The following GLT1D1 variants were observed in gnomAD, a reference collection of about 807,000 sequenced individuals.
GLT1D1 encodes the protein glycosyltransferase 1 domain-containing protein 1.
A neutral mutation model predicts 28.7 loss-of-function variants in GLT1D1; 21 were observed. The observed-to-expected ratio is 0.73, with a 90% CI of 0.52 to 1.05. The LOEUF is 1.05. Among genes scored for constraint, GLT1D1 ranks in the 50% least tolerant of loss-of-function variants. GLT1D1 has a pLI of 0.00. For missense variants in GLT1D1, 343 were observed against 330.6 expected, an observed-to-expected ratio of 1.04 and a Z score of -0.29; for synonymous variants, 147 against 124.8, an observed-to-expected ratio of 1.18 and a Z score of -1.19.
chr12:128,916,433 A>G (rs1167144633), intron 4 of GLT1D1, among the ~76,000 whole-genome samples: 1 of 152,214 alleles, frequency 6.6e-6, no homozygotes, highest in Admixed American at 6.5e-5. Context: ...AAAAATATCC[A>G]AACAGTTCTC....
chr12:128,966,925 T>C (rs1318057775), intron 7 of GLT1D1, among the ~76,000 whole-genome samples: 2 of 152,232 alleles, frequency 1.3e-5, no homozygotes, highest in African/African-American at 4.8e-5. Context: ...AGATTGATTT[T>C]TTCTTTACCG....
At chr12:128,904,896 A>T (rs1870686335) in intron 4 of GLT1D1, among the ~76,000 whole-genome samples, 1 of 151,916 alleles carries the variant, frequency 6.6e-6, no homozygotes, top group Non-Finnish European at 1.5e-5. Flanking sequence ...GGCCTCCCAA[A>T]GTGCTGGGAT....
intron 4 of GLT1D1, among the ~76,000 whole-genome samples, chr12:128,935,733 T>A (rs1874482419): frequency 1.3e-5 from 2 of 152,180 alleles, no homozygotes; most frequent in Non-Finnish European, 1.5e-5. Flanking sequence ...CCCAAGTCAC[T>A]GGGACTGCAG....
chr12:128,868,201 C>T (rs538450225), intron 1 of GLT1D1, among the ~76,000 whole-genome samples: 57 of 152,352 alleles, frequency 3.7e-4, no homozygotes, highest in African/African-American at 1.4e-3. Context: ...TTCTCGCCAG[C>T]CCCTCCTGGG....
At chr12:128,967,517 C>G (rs1282107957) in intron 7 of GLT1D1, among the ~76,000 whole-genome samples, 4 of 152,320 alleles carry the variant, frequency 2.6e-5, no homozygotes, top group South Asian at 4.1e-4. Flanking sequence ...ATTGCCTCTC[C>G]CTTCCCCTGG....
At position 128,926,352 on chromosome 12, in the gene GLT1D1, C is replaced by T. The variant is rs1378256554; in HGVS notation, c.376-18974C>T. On this transcript the variant is annotated intron_variant, in intron 4 of 7. Coordinates refer to ENST00000281703, the MANE Select transcript of GLT1D1 (RefSeq NM_144669.3). Reference sequence around the variant, plus strand: ...CACTGAAAACATTCTGAACTCTTCTCTTACAGAGATTAACCAAAGTGCTGA... The same window carrying T: ...CACTGAAAACATTCTGAACTCTTCTTTTACAGAGATTAACCAAAGTGCTGA... The T allele has an allele frequency of 3.4e-6, 5 of 1,456,370 alleles. No homozygotes were observed. Among genetic ancestry groups the T allele is most frequent in the African/African-American group, 1.4e-5 (1 of 71,390 alleles). The allele number at this position is 1,456,370 out of a possible 1,614,324, so 90.2% of individuals were successfully genotyped here. A position where few individuals can be genotyped will look rare whatever the true frequency, so the allele number is the denominator to read the frequency against.
rs77624105 is a variant in GLT1D1 at position 128,895,069 on chromosome 12, T to A, written c.324-4167T>A. 1.3e-3 allele frequency among the ~76,000 whole-genome samples: 202 copies of A among 152,210 alleles called. 1 individual carries two copies. The highest frequency in any genetic ancestry group is 4.5e-3 in the African/African-American group (186 of 41,542). ...CATCGTTTTCTGAGCACTTTTCTAC[T>A]TTCTGGCATCGTAAAATGTCCCTGA... On this transcript the variant is annotated intron_variant, in intron 3 of 7. Coordinates refer to ENST00000281703, the MANE Select transcript of GLT1D1 (RefSeq NM_144669.3).
At chr12:128,933,649 G>T in intron 4 of GLT1D1, among the ~76,000 whole-genome samples, 1 of 152,122 alleles carries the variant, frequency 6.6e-6, no homozygotes, top group Non-Finnish European at 1.5e-5. Context: ...CTTCCTTGGG[G>T]TGAAATTCTC....
intron 4 of GLT1D1, among the ~76,000 whole-genome samples, chr12:128,933,261 G>A (rs1299631502): frequency 1.3e-5 from 2 of 152,272 alleles, no homozygotes; most frequent in Non-Finnish European, 2.9e-5. Flanking sequence ...GTGCGGAAGC[G>A]ATGCGGGTAG....
intron 4 of GLT1D1, among the ~76,000 whole-genome samples, chr12:128,929,976 AAAAC>A (rs1341723158): frequency 2.0e-5 from 3 of 151,158 alleles, no homozygotes; most frequent in African/African-American, 4.8e-5. Context: ...ATTCTGTTTC[AAAAC>A]AAACAAACAA....
At chr12:128,891,940 T>C (rs1484055879) in intron 3 of GLT1D1, among the ~76,000 whole-genome samples, 1 of 152,050 alleles carries the variant, frequency 6.6e-6, no homozygotes, top group East Asian at 1.9e-4. Context: ...GTTTTCTACA[T>C]CTTAGGGAGA....
intron 4 of GLT1D1, chr12:128,945,058 G>A (rs1875858533): frequency 6.2e-6 from 4 of 647,764 alleles, no homozygotes; most frequent in East Asian, 5.4e-5. Flanking sequence ...GCCAATTTCT[G>A]CGCCCCGCAG....
At chr12:128,965,768 G>A (rs1312430184) in intron 7 of GLT1D1, among the ~76,000 whole-genome samples, 6 of 151,106 alleles carry the variant, frequency 4.0e-5, no homozygotes, top group South Asian at 2.1e-4. Context: ...GGTGGCTCAT[G>A]CCTGTAGTCC....
intron 3 of GLT1D1, among the ~76,000 whole-genome samples, chr12:128,892,751 T>C (rs979781543): frequency 1.3e-5 from 2 of 152,134 alleles, no homozygotes; most frequent in African/African-American, 4.8e-5. Flanking sequence ...ATAGGGTCTA[T>C]TTTTGAAGTT....
intron 4 of GLT1D1, among the ~76,000 whole-genome samples, chr12:128,903,796 T>C (rs1274933978): frequency 1.3e-5 from 2 of 151,796 alleles, no homozygotes; most frequent in Non-Finnish European, 2.9e-5. Context: ...AGTGGCGCAA[T>C]CTCAGCTCAC....
chr12:128,957,587 G>T lies in GLT1D1; in HGVS notation c.583G>T (p.Gly195Trp). 2 of 1,613,878 alleles carry T rather than the reference G, an allele frequency of 1.2e-6. No individual in the cohort carries two copies. Among genetic ancestry groups the T allele is most frequent in the Non-Finnish European group, 1.7e-6 (2 of 1,179,802 alleles). The change falls in exon 7 of 8, where the codon GGG (glycine) becomes TGG (tryptophan). Residue 195 changes from glycine to tryptophan, a missense_variant. By Grantham distance (184) the Gly-to-Trp change is radical. Coordinates refer to ENST00000281703, the MANE Select transcript of GLT1D1 (RefSeq NM_144669.3). ...ACCGGTATTGGCCAGGAACATCCCC[G>T]GGAATGCTGCCGTGGTGAAGCATGA...
chr12:128,870,471 C>A (rs758446567), intron 1 of GLT1D1, among the ~76,000 whole-genome samples: 3 of 151,998 alleles, frequency 2.0e-5, no homozygotes, highest in Admixed American at 1.3e-4. Context: ...TTCAAGAAAG[C>A]CTTTTTAAAT....
chr12:128,891,023 C>CAAAAG (rs1339369923), intron 3 of GLT1D1, among the ~76,000 whole-genome samples: 2 of 149,700 alleles, frequency 1.3e-5, no homozygotes, highest in Non-Finnish European at 3.0e-5. Context: ...GCAACAACAA[C>CAAAAG]AAAAGAACCC....
chr12:128,857,830 C>A (rs1956260614), intron 1 of GLT1D1, among the ~76,000 whole-genome samples: 1 of 152,180 alleles, frequency 6.6e-6, no homozygotes, highest in Non-Finnish European at 1.5e-5. Flanking sequence ...CATTGTAAAG[C>A]AACACCCCAT....
Sources: allele counts gnomAD v4.1 joint callset (sites outside exome capture counted in the v4.1 genomes callset), GRCh38; gene constraint gnomAD v4.1.1; transcripts MANE v1.5; gene names NCBI Gene and HGNC (gene_info 2026-07-23, HGNC 2026-07-21).